The following NRG1 variants were observed in gnomAD, a reference collection of about 807,000 sequenced individuals.
The protein encoded by NRG1 is neuregulin 1, also known as pro-neuregulin-1, membrane-bound isoform.
A neutral mutation model predicts 63.8 loss-of-function variants in NRG1; 18 were observed. The observed-to-expected ratio is 0.28, with a 90% CI of 0.19 to 0.42. The LOEUF (loss-of-function observed/expected upper bound fraction) is 0.42, where lower values mean the gene tolerates loss of function less well. Ranked by LOEUF, NRG1 falls within the 10% of genes least tolerant of loss-of-function variation. The pLI is 1.00. For missense variants in NRG1, 762 were observed against 814.7 expected (o/e 0.94, Z 0.79); for synonymous variants, 302 against 301.3 (o/e 1.00, Z -0.02).
At chr8:32,505,687 G>A (rs187192127) in intron 1 of NRG1, among the ~76,000 whole-genome samples, 134 of 152,272 alleles carry the variant, frequency 8.8e-4, no homozygotes, top group Middle Eastern at 3.4e-3. Context: ...TATCTCCAGC[G>A]TTACACAAAA....
At chr8:32,459,458 C>G (rs1038060228) in intron 1 of NRG1, among the ~76,000 whole-genome samples, 1 of 151,876 alleles carries the variant, frequency 6.6e-6, no homozygotes, top group African/African-American at 2.4e-5. Context: ...CTCCTTAAAA[C>G]AGCCAGAATG....
intron 1 of NRG1, among the ~76,000 whole-genome samples, chr8:32,084,804 C>T (rs1827979941): frequency 6.6e-6 from 1 of 152,038 alleles, no homozygotes; most frequent in African/African-American, 2.4e-5. Flanking sequence ...AAGGAGAGAT[C>T]AGAAATGAGG....
rs547975488 is a variant in NRG1 at position 32,166,270 on chromosome 8, A to G, written c.38-429558A>G. ...TTTTCATAAATCAGTAATTATTTGC[A>G]GAGTGTTTTGTGTAAAGTGCTCAGC... is the stretch of plus-strand genomic sequence containing the variant. On this transcript the variant is annotated intron_variant, in intron 1 of 10. Transcript: ENST00000519301. Among the ~76,000 whole-genome samples the G allele has an allele frequency of 2.6e-5, 4 of 152,264 alleles. No individual in the cohort carries two copies. The South Asian group carries it at 8.3e-4, about 32-fold the overall frequency.
intron 1 of NRG1, among the ~76,000 whole-genome samples, chr8:31,826,912 T>C (rs1191227387): frequency 6.6e-6 from 1 of 152,230 alleles, no homozygotes; most frequent in Admixed American, 6.5e-5. Flanking sequence ...AGTTGTATGA[T>C]GCTAAATCCA....
chr8:32,237,480 G>A (rs1264963763), intron 1 of NRG1, among the ~76,000 whole-genome samples: 1 of 151,814 alleles, frequency 6.6e-6, no homozygotes, highest in Non-Finnish European at 1.5e-5. Context: ...GAAACTTTGT[G>A]CATTTGAGGG....
At chr8:32,736,436 G>A (rs976414887) in intron 6 of NRG1, among the ~76,000 whole-genome samples, 3 of 152,154 alleles carry the variant, frequency 2.0e-5, no homozygotes, top group Non-Finnish European at 2.9e-5. Flanking sequence ...TGGAGCTGGC[G>A]TAGACACTGC....
intron 1 of NRG1, among the ~76,000 whole-genome samples, chr8:32,077,222 C>T (rs1324741499): frequency 6.6e-6 from 1 of 152,092 alleles, no homozygotes; most frequent in African/African-American, 2.4e-5. Flanking sequence ...CAAAAATTAG[C>T]TGGGCATGGT....
At chr8:32,077,457 TG>T (rs1826763865) in intron 1 of NRG1, among the ~76,000 whole-genome samples, 1 of 152,188 alleles carries the variant, frequency 6.6e-6, no homozygotes, top group African/African-American at 2.4e-5. Flanking sequence ...GTATTAACAG[TG>T]CTTATATCTA....
intron 1 of NRG1, among the ~76,000 whole-genome samples, chr8:32,553,257 A>T (rs1194496688): frequency 6.6e-6 from 1 of 152,212 alleles, no homozygotes; most frequent in African/African-American, 2.4e-5. Context: ...AAGCACTCTG[A>T]ACATCAACCA....
At position 32,728,179 on chromosome 8, in the gene NRG1, C is replaced by T. The variant is rs1822730209; in HGVS notation, c.632+101C>T. 3.9e-6 allele frequency: 6 copies of T among 1,555,154 alleles called. No individual in the cohort carries two copies. In the African/African-American group the frequency reaches 6.8e-5, roughly 18 times the overall value. On this transcript the variant is annotated intron_variant, in intron 6 of 11. Transcript: ENST00000356819. ...TGTTGCTTTTTTTCCAATTTTGTTG[C>T]ATCATGTTGAATAATGCTGTTTTAT...
chr8:32,233,698 G>A (rs1031324046), intron 1 of NRG1, among the ~76,000 whole-genome samples: 2 of 151,474 alleles, frequency 1.3e-5, no homozygotes, highest in African/African-American at 4.8e-5. Flanking sequence ...CTGAGTAGCT[G>A]GGACTACAGG....
chr8:31,958,455 T>C lies in NRG1; in HGVS notation c.37+319024T>C, dbSNP rs921753550. Among the ~76,000 whole-genome samples the C allele has an allele frequency of 3.3e-5, 5 of 152,184 alleles. No individual in the cohort carries two copies. The South Asian group carries it at 1.0e-3, about 31-fold the overall frequency. ...TTCCCATTGTGTGGCTCTGTTGGCA[T>C]TTTTAAATGTGTCATATGTGGCTGG... is the stretch of plus-strand genomic sequence containing the variant. On this transcript the variant is annotated intron_variant, in intron 1 of 10. Transcript: ENST00000519301.
intron 1 of NRG1, among the ~76,000 whole-genome samples, chr8:32,433,746 A>G (rs543521425): frequency 7.9e-5 from 12 of 152,300 alleles, no homozygotes; most frequent in African/African-American, 2.9e-4. Flanking sequence ...CTACTGGTAT[A>G]AAATTTTCAG....
intron 1 of NRG1, among the ~76,000 whole-genome samples, chr8:31,976,941 T>C (rs1421361303): frequency 6.6e-6 from 1 of 152,184 alleles, no homozygotes; most frequent in Non-Finnish European, 1.5e-5. Context: ...TAGAGACATA[T>C]TATTACTTAT....
At chr8:31,963,262 G>T (rs907167884) in intron 1 of NRG1, among the ~76,000 whole-genome samples, 1 of 152,050 alleles carries the variant, frequency 6.6e-6, no homozygotes, top group Admixed American at 6.5e-5. Context: ...TTTTCCTCCT[G>T]GTCTAATCAA....
At chr8:32,313,748 A>C (rs920665891) in intron 1 of NRG1, among the ~76,000 whole-genome samples, 1 of 152,214 alleles carries the variant, frequency 6.6e-6, no homozygotes, top group Non-Finnish European at 1.5e-5. Flanking sequence ...TTTTTAAAAC[A>C]TCATAAGGCC....
At chr8:32,768,399 GCC>G (rs1589674907), downstream of NRG1, among the ~76,000 whole-genome samples, 1 of 152,280 alleles carries the variant, frequency 6.6e-6, no homozygotes, top group East Asian at 1.9e-4. Flanking sequence ...GCCCATAGTG[GCC>G]TAAAAGGCAG....
At chr8:31,765,562 T>C (rs1339365386) in intron 1 of NRG1, among the ~76,000 whole-genome samples, 1 of 152,230 alleles carries the variant, frequency 6.6e-6, no homozygotes, top group Admixed American at 6.5e-5. Flanking sequence ...TGGCAAATAC[T>C]TTTTCTATAT....
chr8:32,166,164 A>C (rs563586519), intron 1 of NRG1, among the ~76,000 whole-genome samples: 5 of 152,168 alleles, frequency 3.3e-5, no homozygotes, highest in Non-Finnish European at 7.4e-5. Flanking sequence ...GGCTGATTTT[A>C]TTCATTTTAT....
Sources: gnomAD v4.1 joint callset for allele counts (sites outside exome capture counted in the v4.1 genomes callset) on GRCh38, gnomAD v4.1.1 for gene constraint, MANE v1.5 for transcripts, NCBI Gene and HGNC (gene_info 2026-07-23, HGNC 2026-07-21) for gene names.